Variants in ZNF536 observed in about 807,000 individuals in gnomAD.
ZNF536 encodes the protein zinc finger protein 536.
In ZNF536, 13 loss-of-function variants were observed where a neutral mutation model predicts 84.5. The ratio of observed to expected loss-of-function variants is 0.15; its 90% confidence interval spans 0.10 to 0.24. The LOEUF is 0.24. Ranked by LOEUF, ZNF536 falls within the 10% of genes least tolerant of loss-of-function variation. The probability of loss-of-function intolerance (pLI) is 1.00; values close to 1 mark genes in which losing one functional copy is unlikely to be tolerated. For missense variants in ZNF536, 1,536 were observed against 1,747.5 expected (o/e 0.88, Z 2.16); for synonymous variants, 811 against 742.5 (o/e 1.09, Z -1.50).
chr19:30,355,543 G>A (rs2048066567), intron 3 of ZNF536, among the ~76,000 whole-genome samples: 1 of 151,882 alleles, frequency 6.6e-6, no homozygotes, highest in Non-Finnish European at 1.5e-5. Context: ...GCCTCCCACC[G>A]TGCCTCGCTA....
chr19:30,670,374 GT>G (rs1199091811), intron 1 of ZNF536, among the ~76,000 whole-genome samples: 1 of 152,206 alleles, frequency 6.6e-6, no homozygotes, highest in Non-Finnish European at 1.5e-5. Flanking sequence ...TGGGCTGGGT[GT>G]TCTGCCTGTG....
At chr19:30,693,863 G>A (rs543561571) in intron 1 of ZNF536, among the ~76,000 whole-genome samples, 1 of 152,264 alleles carries the variant, frequency 6.6e-6, no homozygotes, top group Admixed American at 6.5e-5. Context: ...TGGGAAGAGA[G>A]ATGTGCGATT....
chr19:30,673,512 C>T (rs1014674439), intron 1 of ZNF536, among the ~76,000 whole-genome samples: 6 of 152,188 alleles, frequency 3.9e-5, no homozygotes, highest in South Asian at 2.1e-4. Context: ...GTGCCTGCCA[C>T]GGGACTGGCA....
intron 1 of ZNF536, among the ~76,000 whole-genome samples, chr19:30,419,928 G>A (rs780065409): frequency 1.3e-5 from 2 of 152,340 alleles, no homozygotes; most frequent in African/African-American, 2.4e-5. Context: ...AGGGGACAGA[G>A]TTCCCATCCG....
intron 1 of ZNF536, among the ~76,000 whole-genome samples, chr19:30,692,214 G>A (rs2051441502): frequency 6.6e-6 from 1 of 152,254 alleles, no homozygotes; most frequent in South Asian, 2.1e-4. Flanking sequence ...GCCGACGCAA[G>A]AAACTGCTGA....
chr19:30,410,372 G>C (rs999220081), intron 1 of ZNF536, among the ~76,000 whole-genome samples: 12 of 150,162 alleles, frequency 8.0e-5, no homozygotes, highest in Non-Finnish European at 1.6e-4. Flanking sequence ...AAGATATATA[G>C]GAAAACTCCA....
At chr19:30,596,815 T>G (rs2047481338) in intron 1 of ZNF536, among the ~76,000 whole-genome samples, 1 of 151,584 alleles carries the variant, frequency 6.6e-6, no homozygotes, top group Non-Finnish European at 1.5e-5. Context: ...GATGAGGCTG[T>G]GAGATGAGGC....
At chr19:30,709,369 C>T (rs2052371721) in intron 1 of ZNF536, among the ~76,000 whole-genome samples, 1 of 152,196 alleles carries the variant, frequency 6.6e-6, no homozygotes, top group African/African-American at 2.4e-5. Context: ...CCCCCCAGCT[C>T]AGCCCTTCCA....
rs148743766 is a variant in ZNF536, at chr19:30,303,484, G to A, written c.-120+19343G>A. 3.9e-3 allele frequency among the ~76,000 whole-genome samples: 589 copies of A among 151,578 alleles called. 5 individuals are homozygous for A. Among genetic ancestry groups the A allele is most frequent in the African/African-American group, 0.013 (537 of 41,498 alleles). Reference sequence around the variant, plus strand: ...GGGTTGTTTCCTGAAAGGGAATCAGGTTCCCTGTTTGCTTTTTGACACTTT... The same window carrying A: ...GGGTTGTTTCCTGAAAGGGAATCAGATTCCCTGTTTGCTTTTTGACACTTT... On this transcript the variant is annotated intron_variant, in intron 2 of 5. Coordinates refer to the ZNF536 transcript ENST00000585628.
chr19:30,535,510 C>T (rs761385079), intron 3 of ZNF536, among the ~76,000 whole-genome samples: 5 of 152,076 alleles, frequency 3.3e-5, no homozygotes, highest in East Asian at 1.9e-4. Context: ...CTCCATGTGG[C>T]GTGGTGGAAA....
At chr19:30,345,301 A>G (rs1288943503) in intron 2 of ZNF536, among the ~76,000 whole-genome samples, 1 of 152,194 alleles carries the variant, frequency 6.6e-6, no homozygotes. Context: ...GCCCTGTGAG[A>G]AGACTCCAGG....
At chr19:30,338,913 C>T (rs1450349117) in intron 2 of ZNF536, among the ~76,000 whole-genome samples, 1 of 152,180 alleles carries the variant, frequency 6.6e-6, no homozygotes, top group African/African-American at 2.4e-5. Flanking sequence ...ACAGTGCCTG[C>T]TGCAGAAGGC....
At position 30,548,568 on chromosome 19, in the gene ZNF536, T is replaced by G. The variant is rs376902808; in HGVS notation, c.2949T>G (p.Asp983Glu). 1.2e-6 allele frequency: 2 copies of G among 1,614,032 alleles called. No individual in the cohort carries two copies. Among genetic ancestry groups the G allele is most frequent in the African/African-American group, 2.7e-5 (2 of 74,940 alleles). ...YEPLDLSVRPDAASLPGSSVT... is the reference protein window; with the variant it reads ...YEPLDLSVRPEAASLPGSSVT... ...CCCTGGACTTGTCTGTGCGGCCAGA[T>G]GCCGCCTCCCTCCCGGGCTCCTCGG... is the stretch of plus-strand genomic sequence containing the variant. The change falls in exon 4 of 5, where the codon GAT becomes GAG. Residue 983 changes from aspartate (D) to glutamate (E), a missense_variant. Around this residue, in one of 8 missense-constraint regions of ZNF536, gnomAD observed 624 missense variants for 603.1 expected, o/e 1.03. Coordinates refer to ENST00000355537, the MANE Select transcript of ZNF536 (RefSeq NM_014717.3).
At chr19:30,482,538 G>A (rs1001242526) in intron 2 of ZNF536, among the ~76,000 whole-genome samples, 25 of 139,606 alleles carry the variant, frequency 1.8e-4, no homozygotes, top group African/African-American at 7.8e-4. Context: ...AGTTGTCCAA[G>A]ATTCTTGCTT....
chr19:30,673,376 C>G (rs1426856656), intron 1 of ZNF536, among the ~76,000 whole-genome samples: 1 of 152,212 alleles, frequency 6.6e-6, no homozygotes, highest in Non-Finnish European at 1.5e-5. Context: ...CTTCAAATCT[C>G]TGCTCTCCTC....
At chr19:30,527,207 A>ACACCC (rs2044622258) in intron 2 of ZNF536, among the ~76,000 whole-genome samples, 1 of 132,748 alleles carries the variant, frequency 7.5e-6, no homozygotes, top group Non-Finnish European at 1.6e-5. Context: ...GTGATCCACC[A>ACACCC]CACCCAGCCT....
chr19:30,591,396 T>C (rs2047272894), intron 1 of ZNF536, among the ~76,000 whole-genome samples: 1 of 152,188 alleles, frequency 6.6e-6, no homozygotes, highest in African/African-American at 2.4e-5. Flanking sequence ...CTCACAATCA[T>C]GGCAGAAGGC....
intron 1 of ZNF536, chr19:30,665,433 T>C (rs2050278781): frequency 6.6e-6 from 1 of 152,284 alleles, no homozygotes; most frequent in Non-Finnish European, 1.5e-5. Context: ...GTTTCTATGT[T>C]GCTCCCTGCA....
intron 2 of ZNF536, among the ~76,000 whole-genome samples, chr19:30,454,249 T>G (rs1276078792): frequency 1.3e-5 from 2 of 152,250 alleles, no homozygotes; most frequent in Non-Finnish European, 2.9e-5. Context: ...TCTTTTCTTT[T>G]GTCTGACCTC....
Sources: allele counts gnomAD v4.1 joint callset (sites outside exome capture counted in the v4.1 genomes callset), GRCh38; gene constraint gnomAD v4.1.1; regional missense constraint gnomAD v4.1.1; transcripts MANE v1.5; gene names NCBI Gene and HGNC (gene_info 2026-07-23, HGNC 2026-07-21).